ANKS1B: variants seen among roughly 807,000 people sequenced by gnomAD.
ANKS1B encodes ankyrin repeat and sterile alpha motif domain containing 1B.
A neutral mutation model predicts 148.3 loss-of-function variants in ANKS1B; 36 were observed. The observed-to-expected ratio is 0.24, with a 90% confidence interval of 0.19 to 0.32. The LOEUF (loss-of-function observed/expected upper bound fraction) is 0.32, where lower values mean the gene tolerates loss of function less well. Among genes scored for constraint, ANKS1B ranks in the 10% least tolerant of loss-of-function variants. ANKS1B has a pLI of 1.00. For missense variants in ANKS1B, 1,157 were observed against 1,542.6 expected, an observed-to-expected ratio of 0.75 and a Z score of 4.19; for synonymous variants, 542 against 560.8, an observed-to-expected ratio of 0.97 and a Z score of 0.47.
At position 99,655,055 on chromosome 12, in the gene ANKS1B, G is replaced by C. The variant is rs989814517; in HGVS notation, c.1272+12C>G. 1 of 1,547,044 alleles carries C rather than the reference G, an allele frequency of 6.5e-7. No homozygotes were observed. The highest frequency in any genetic ancestry group is 1.4e-5 in the African/African-American group (1 of 73,178). On this transcript the variant is annotated intron_variant, in intron 9 of 26. Transcript: ENST00000683438. The stretch of plus-strand genomic sequence containing the variant: ...TTTGTTTTATTGTACCTTAATAAAA[G>C]CAAACTTTTACCTGGGCAAGCATGG...
chr12:99,000,812 T>C (rs1326406880), intron 17 of ANKS1B, among the ~76,000 whole-genome samples: 1 of 152,206 alleles, frequency 6.6e-6, no homozygotes, highest in Non-Finnish European at 1.5e-5. Flanking sequence ...TTATGTGAAA[T>C]GGACTATTCT....
At chr12:99,927,588 C>G (rs745935899) in intron 1 of ANKS1B, among the ~76,000 whole-genome samples, 12 of 152,066 alleles carry the variant, frequency 7.9e-5, no homozygotes, top group Non-Finnish European at 1.8e-4. Flanking sequence ...TAATGAGTTC[C>G]ATGTTCTCTG....
chr12:99,479,143 A>C (rs2152928604), intron 10 of ANKS1B, among the ~76,000 whole-genome samples: 1 of 152,250 alleles, frequency 6.6e-6, no homozygotes, highest in East Asian at 1.9e-4. Context: ...GTAGAATTAC[A>C]GTTGAAAAAG....
At chr12:98,928,952 A>T (rs1416102555) in intron 17 of ANKS1B, among the ~76,000 whole-genome samples, 1 of 152,064 alleles carries the variant, frequency 6.6e-6, no homozygotes, top group Non-Finnish European at 1.5e-5. Context: ...ATTAGGCAAG[A>T]AAAAGAAATC....
intron 10 of ANKS1B, among the ~76,000 whole-genome samples, chr12:99,468,584 A>T (rs1377443054): frequency 7.9e-5 from 12 of 152,216 alleles, no homozygotes; most frequent in African/African-American, 2.9e-4. Flanking sequence ...AACTCAAACA[A>T]ATTTACAAGA....
At chr12:99,629,395 A>ATTGGCGTG (rs1371864875) in intron 9 of ANKS1B, among the ~76,000 whole-genome samples, 1 of 152,178 alleles carries the variant, frequency 6.6e-6, no homozygotes, top group Non-Finnish European at 1.5e-5. Flanking sequence ...CTGTGGAAAA[A>ATTGGCGTG]AATGTACTAA....
intron 12 of ANKS1B, among the ~76,000 whole-genome samples, chr12:99,320,007 T>C (rs2154030845): frequency 6.6e-6 from 1 of 152,358 alleles, no homozygotes; most frequent in East Asian, 1.9e-4. Flanking sequence ...TTTAAGAATG[T>C]TGAATATTGG....
At chr12:99,551,229 A>T (rs1202191364) in intron 9 of ANKS1B, among the ~76,000 whole-genome samples, 1 of 152,112 alleles carries the variant, frequency 6.6e-6, no homozygotes, top group Non-Finnish European at 1.5e-5. Flanking sequence ...CACTTCTATC[A>T]TCAATTCCAG....
At chr12:99,265,799 T>A (rs983262112) in intron 12 of ANKS1B, among the ~76,000 whole-genome samples, 2 of 152,140 alleles carry the variant, frequency 1.3e-5, no homozygotes. Context: ...ACTGCCCCCA[T>A]GTATTTCTTT....
intron 8 of ANKS1B, among the ~76,000 whole-genome samples, chr12:99,684,996 C>T (rs962782125): frequency 6.6e-6 from 1 of 152,078 alleles, no homozygotes; most frequent in African/African-American, 2.4e-5. Flanking sequence ...ACTGGAAAAA[C>T]CCTTCCAGAA....
intron 15 of ANKS1B, among the ~76,000 whole-genome samples, chr12:99,120,526 A>G (rs1257537212): frequency 6.6e-6 from 1 of 152,246 alleles, no homozygotes; most frequent in African/African-American, 2.4e-5. Flanking sequence ...AGAACTTGTT[A>G]TATGCAAGGC....
intron 14 of ANKS1B, among the ~76,000 whole-genome samples, chr12:99,177,587 C>G (rs1269674873): frequency 6.6e-6 from 1 of 152,240 alleles, no homozygotes; most frequent in Non-Finnish European, 1.5e-5. Context: ...TTGCTTAAAA[C>G]AGCAAGTTTA....
chr12:99,150,450 A>G (rs1239852802), intron 15 of ANKS1B, among the ~76,000 whole-genome samples: 5 of 152,130 alleles, frequency 3.3e-5, no homozygotes, highest in Non-Finnish European at 7.4e-5. Flanking sequence ...TACTGCAGCC[A>G]TTAAAGAAAG....
At chr12:99,068,025 A>G (rs187579185) in intron 16 of ANKS1B, among the ~76,000 whole-genome samples, 18 of 152,176 alleles carry the variant, frequency 1.2e-4, no homozygotes, top group African/African-American at 4.3e-4. Flanking sequence ...TTTAGTAGTT[A>G]TTATTTATTT....
chr12:99,298,820 A>C (rs1238570683), intron 12 of ANKS1B, among the ~76,000 whole-genome samples: 2 of 152,212 alleles, frequency 1.3e-5, no homozygotes, highest in African/African-American at 4.8e-5. Context: ...TTAAAAACTA[A>C]GAATGGTTTC....
intron 8 of ANKS1B, among the ~76,000 whole-genome samples, chr12:99,679,390 C>A (rs990126886): frequency 1.3e-5 from 2 of 152,180 alleles, no homozygotes; most frequent in Non-Finnish European, 2.9e-5. Context: ...CTCACTGCAA[C>A]CTCCACCCCC....
chr12:98,807,760 C>A lies in ANKS1B; in HGVS notation c.3141+84G>T. The A allele has an allele frequency of 3.4e-6, 4 of 1,164,252 alleles. No homozygotes were observed. In the East Asian group the frequency reaches 7.7e-5, roughly 22 times the overall value. The allele number at this position is 1,164,252 out of a possible 1,614,324, so 72.1% of individuals were successfully genotyped here. A position where few individuals can be genotyped will look rare whatever the true frequency, so the allele number is the denominator to read the frequency against. ...ACAAATTTTCTGCATTGCCAGGACA[C>A]AGTACCTATAGCTGTTGACAACACT... On this transcript the variant is annotated intron_variant, in intron 20 of 26. Transcript: ENST00000683438.
intron 9 of ANKS1B, among the ~76,000 whole-genome samples, chr12:99,549,537 A>G (rs936049619): frequency 2.8e-4 from 43 of 151,874 alleles, no homozygotes; most frequent in African/African-American, 1.0e-3. Context: ...TCTATCTTTC[A>G]TAATTTCTGT....
chr12:99,427,091 C>T (rs2095270168), intron 11 of ANKS1B, among the ~76,000 whole-genome samples: 1 of 152,214 alleles, frequency 6.6e-6, no homozygotes, highest in African/African-American at 2.4e-5. Flanking sequence ...AATAACTGTA[C>T]ATGTTCTCTT....
Sources: allele counts gnomAD v4.1 joint callset (sites outside exome capture counted in the v4.1 genomes callset), GRCh38; gene constraint gnomAD v4.1.1; transcripts MANE v1.5; gene names NCBI Gene and HGNC (gene_info 2026-07-23, HGNC 2026-07-21).